SAP130: variants seen among roughly 807,000 people sequenced by gnomAD.
SAP130 encodes Sin3A associated protein 130.
Under a neutral mutation model 103.2 loss-of-function variants are expected in SAP130, and 16 were observed. The observed-to-expected ratio is 0.16, with a 90% CI of 0.10 to 0.24. The LOEUF is 0.24. SAP130 is among the 10% of genes least tolerant of loss of function. The probability of loss-of-function intolerance (pLI) is 1.00; values close to 1 mark genes in which losing one functional copy is unlikely to be tolerated. For missense variants in SAP130, 990 were observed against 1,359.7 expected (o/e 0.73, Z 4.28); for synonymous variants, 477 against 497.0 (o/e 0.96, Z 0.53).
In SAP130 at chr2:127,953,884, A is replaced by T. The variant is rs1038493061; in HGVS notation, c.2422+1102T>A. 1.3e-5 allele frequency among the ~76,000 whole-genome samples: 2 copies of T among 152,172 alleles called. No individual in the cohort carries two copies. Among genetic ancestry groups the T allele is most frequent in the Non-Finnish European group, 2.9e-5 (2 of 68,030 alleles). ...ACTTATCACCCAAACATATATATAC[A>T]TACATACATACATATATAATTTAGT... On this transcript the variant is annotated intron_variant, in intron 16 of 20. Transcript: ENST00000643581. The surrounding 1 kb of genome is among the most constrained non-coding windows in gnomAD (Gnocchi z 4.0).
At chr2:127,966,611 G>C (rs150746671) in intron 15 of SAP130, among the ~76,000 whole-genome samples, 4,755 of 152,234 alleles carry the variant, frequency 0.031, 112 homozygotes, top group Middle Eastern at 0.095. Context: ...GCTGAGGCAG[G>C]AGAATCGCTT....
Position 127,989,677 on chromosome 2 carries a change from T to G in SAP130, c.1667A>C (p.Gln556Pro). The change falls in exon 13 of 21, where the codon CAG becomes CCG. Residue 556 changes from glutamine (Q) to proline (P), a missense_variant. Gln to Pro is a moderately conservative substitution (Grantham distance 76). Transcript: ENST00000643581. This position sits in a 1 kb window ranked among gnomAD's most constrained non-coding sequence, Gnocchi z 4.6. Reference sequence around the variant, plus strand: ...TCCCTGTGTGCCAAGTGGTGCAGGCTGTATCCCTGGGGTCCCAATGGGGGC... The same window carrying G: ...TCCCTGTGTGCCAAGTGGTGCAGGCGGTATCCCTGGGGTCCCAATGGGGGC... ...QPAPIGTPGI[Q>P]PAPLGTQGIH... is the part of the protein sequence containing the mutation. 1 of 1,614,194 alleles carries G rather than the reference T, an allele frequency of 6.2e-7. No individual in the cohort carries two copies. Among genetic ancestry groups the G allele is most frequent in the Non-Finnish European group, 8.5e-7 (1 of 1,180,034 alleles).
intron 7 of SAP130, among the ~76,000 whole-genome samples, chr2:128,007,658 A>C (rs1009065125): frequency 6.6e-6 from 1 of 152,246 alleles, no homozygotes; most frequent in Non-Finnish European, 1.5e-5. Context: ...GAGAGAACAA[A>C]GGATCAGGGG....
chr2:127,976,141 C>T (rs563396975), intron 15 of SAP130, among the ~76,000 whole-genome samples: 2 of 152,282 alleles, frequency 1.3e-5, no homozygotes, highest in Admixed American at 6.5e-5. Flanking sequence ...CCACTGCGCC[C>T]GGCTGGTCAT....
intron 4 of SAP130, 136 bp downstream of exon 4, chr2:128,016,253 A>T: frequency 1.2e-6 from 1 of 866,972 alleles, no homozygotes; most frequent in Non-Finnish European, 1.8e-6. Context: ...CAAACCTACT[A>T]TCTTCACTTG....
chr2:128,021,532 G>A (rs1184467636), intron 2 of SAP130, among the ~76,000 whole-genome samples: 2 of 151,664 alleles, frequency 1.3e-5, no homozygotes, highest in African/African-American at 4.8e-5. Context: ...TTTTCTCCCA[G>A]GTCATTCAGA....
intron 18 of SAP130, among the ~76,000 whole-genome samples, chr2:127,948,610 G>A (rs1334901735): frequency 1.3e-5 from 2 of 151,820 alleles, no homozygotes; most frequent in African/African-American, 2.4e-5. Context: ...ACAAAGTGCT[G>A]GGATTACAGG....
intron 6 of SAP130, among the ~76,000 whole-genome samples, 182 bp downstream of exon 6, chr2:128,012,848 G>C (rs944294759): frequency 7.3e-5 from 11 of 150,856 alleles, no homozygotes; most frequent in African/African-American, 2.7e-4. Context: ...TTTCCAACAG[G>C]AAGGCTTCCC....
At chr2:127,945,082 T>C (rs1678982694) in intron 19 of SAP130, among the ~76,000 whole-genome samples, 1 of 152,000 alleles carries the variant, frequency 6.6e-6, no homozygotes, top group African/African-American at 2.4e-5. Context: ...GTCCCTGTGG[T>C]ATGAAGGGTT....
At chr2:127,963,692 G>C (rs949076913) in intron 15 of SAP130, among the ~76,000 whole-genome samples, 1 of 152,146 alleles carries the variant, frequency 6.6e-6, no homozygotes, top group Admixed American at 6.5e-5. Context: ...AATCACGGGG[G>C]CGGGTCTTTC....
chr2:128,025,942 A>C (rs563645934), intron 2 of SAP130, among the ~76,000 whole-genome samples: 40 of 152,360 alleles, frequency 2.6e-4, no homozygotes, highest in Admixed American at 7.2e-4. Context: ...AATGCATTTC[A>C]AAAACAGTTC....
At chr2:128,002,476 C>T (rs951857067) in intron 7 of SAP130, among the ~76,000 whole-genome samples, 1 of 151,936 alleles carries the variant, frequency 6.6e-6, no homozygotes, top group African/African-American at 2.4e-5. Flanking sequence ...TTGCAGTGAG[C>T]CAAGATTGTA....
chr2:127,966,095 C>A (rs951385569), intron 15 of SAP130, among the ~76,000 whole-genome samples: 5 of 152,214 alleles, frequency 3.3e-5, no homozygotes, highest in Non-Finnish European at 7.3e-5. Context: ...GTAACCACAG[C>A]ACTTTGGGAG....
At chr2:127,974,245 A>G (rs1681295055) in intron 15 of SAP130, among the ~76,000 whole-genome samples, 1 of 152,138 alleles carries the variant, frequency 6.6e-6, no homozygotes, top group Non-Finnish European at 1.5e-5. Flanking sequence ...TAACCCTCCA[A>G]TGGCTCTCCG....
At chr2:128,011,906 G>C (rs563959137) in intron 6 of SAP130, among the ~76,000 whole-genome samples, 10 of 152,194 alleles carry the variant, frequency 6.6e-5, no homozygotes, top group Non-Finnish European at 1.3e-4. Flanking sequence ...TCTGCCTCTC[G>C]GACTCAAGTG....
At chr2:127,971,976 C>T (rs1411514015) in intron 15 of SAP130, among the ~76,000 whole-genome samples, 1 of 152,174 alleles carries the variant, frequency 6.6e-6, no homozygotes, top group African/African-American at 2.4e-5. Flanking sequence ...ATTTCTAAAA[C>T]AGCCATTTAT....
chr2:127,969,547 A>G (rs2104861540), intron 15 of SAP130, among the ~76,000 whole-genome samples: 1 of 152,322 alleles, frequency 6.6e-6, no homozygotes, highest in East Asian at 1.9e-4. Flanking sequence ...AGCTACCACA[A>G]CAAATCATCA....
intron 14 of SAP130, among the ~76,000 whole-genome samples, chr2:127,983,018 G>A (rs898672073): frequency 6.6e-6 from 1 of 152,154 alleles, no homozygotes; most frequent in Admixed American, 6.5e-5. Context: ...GGAGGGTGGA[G>A]GCAGGAGAAG....
intron 4 of SAP130, among the ~76,000 whole-genome samples, chr2:128,015,537 G>GT (rs1684710783): frequency 6.6e-6 from 1 of 152,220 alleles, no homozygotes; most frequent in East Asian, 1.9e-4. Context: ...TTTAGATTTA[G>GT]TTTTTTTCCC....
Sources: gnomAD v4.1 joint callset for allele counts (sites outside exome capture counted in the v4.1 genomes callset) on GRCh38, gnomAD v4.1.1 for gene constraint, Gnocchi (gnomAD v3.1) non-coding constraint, MANE v1.5 for transcripts, NCBI Gene and HGNC (gene_info 2026-07-23, HGNC 2026-07-21) for gene names.